Variants in TOMM20 observed in about 807,000 individuals in gnomAD.
The protein encoded by TOMM20 is mitochondrial import receptor subunit TOM20 homolog.
A neutral mutation model predicts 22.1 loss-of-function variants in TOMM20; 10 were observed. The ratio of observed to expected loss-of-function variants is 0.45; its 90% CI spans 0.28 to 0.77. The LOEUF (loss-of-function observed/expected upper bound fraction) is 0.77, where lower values mean the gene tolerates loss of function less well. TOMM20 is among the 30% of genes least tolerant of loss of function. The probability of loss-of-function intolerance (pLI) is 0.13; values close to 1 mark genes in which losing one functional copy is unlikely to be tolerated. For synonymous variants in TOMM20, 55 were observed against 61.4 expected (o/e 0.90, Z 0.49); for missense variants, 121 against 172.2 (o/e 0.70, Z 1.66).
intron 1 of TOMM20, among the ~76,000 whole-genome samples, chr1:235,123,647 A>G (rs1241731592): frequency 1.3e-5 from 2 of 152,216 alleles, no homozygotes; most frequent in African/African-American, 2.4e-5. Context: ...ATACAATTCT[A>G]GCCATTTCAA....
In TOMM20 at chr1:235,113,870, A is replaced by C; in HGVS notation, c.291T>G (p.Ile97Met). The change falls in exon 4 of 5, where the codon ATT becomes ATG. Residue 97 changes from isoleucine (I) to methionine (M), a missense_variant. Physicochemically the swap from Ile to Met is conservative, Grantham distance 10. Coordinates refer to ENST00000366607, the MANE Select transcript of TOMM20 (RefSeq NM_014765.3). Reference sequence around the variant, plus strand: ...ACTGCTGTGGCTGTCCACACACAGCAATTGCATTTGTCAGATGGTCTACGC... The same window carrying C: ...ACTGCTGTGGCTGTCCACACACAGCCATTGCATTTGTCAGATGGTCTACGC... ...EKGVDHLTNAIAVCGQPQQLL... is the reference protein window; with the variant it reads ...EKGVDHLTNAMAVCGQPQQLL... 1 of 1,613,078 alleles carries C rather than the reference A, an allele frequency of 6.2e-7. No individual in the cohort carries two copies.
intron 1 of TOMM20, among the ~76,000 whole-genome samples, chr1:235,125,931 T>C (rs1661009812): frequency 6.7e-6 from 1 of 149,790 alleles, no homozygotes; most frequent in South Asian, 2.1e-4. Flanking sequence ...TTTTTTTTTG[T>C]ATTTTTAGTA....
chr1:235,111,729 A>G lies in TOMM20; in HGVS notation c.*335T>C, dbSNP rs1380376499. 1 of 172,050 alleles carries G rather than the reference A, an allele frequency of 5.8e-6. No homozygotes were observed. Among genetic ancestry groups the G allele is most frequent in the South Asian group, 1.7e-4 (1 of 5,810 alleles). The allele number at this position is 172,050 out of a possible 1,614,324, so 10.7% of individuals were successfully genotyped here. A position where few individuals can be genotyped will look rare whatever the true frequency, so the allele number is the denominator to read the frequency against. On this transcript the variant is annotated 3_prime_UTR_variant, in exon 5 of 5. Coordinates refer to ENST00000366607, the MANE Select transcript of TOMM20 (RefSeq NM_014765.3). ...CTCCTATACTTTTTTTTTTTTGCCTATCTTTCAAAACTGAGCACTGGGTAT... is the reference window on the plus strand; with the variant it reads ...CTCCTATACTTTTTTTTTTTTGCCTGTCTTTCAAAACTGAGCACTGGGTAT...
chr1:235,116,288 C>T (rs938438308), intron 3 of TOMM20, among the ~76,000 whole-genome samples: 6 of 152,084 alleles, frequency 3.9e-5, no homozygotes, highest in Non-Finnish European at 2.9e-5. Context: ...CGCCTGTAAT[C>T]CCAGCACTTT....
In TOMM20 at chr1:235,128,040, G is replaced by T. The variant is rs1044896402; in HGVS notation, c.121+555C>A. 4 of 337,102 alleles carry T rather than the reference G, an allele frequency of 1.2e-5. No homozygotes were observed. In the East Asian group the frequency reaches 3.2e-4, roughly 27 times the overall value. The allele number at this position is 337,102 out of a possible 1,614,324, so 20.9% of individuals were successfully genotyped here. On this transcript the variant is annotated intron_variant, in intron 1 of 4. Transcript: ENST00000366607. ...AACACAAAAAATCACCGGGCGTGGT[G>T]ACGCCCGACTGTAATCCCAGCTACT...
At position 235,128,820 on chromosome 1, in the gene TOMM20, G is replaced by A; in HGVS notation, c.-105C>T. On this transcript the variant is annotated 5_prime_UTR_variant, in exon 1 of 5. Transcript: ENST00000366607. ...GCGCAGCTCACACCCGACGGCCGCG[G>A]GCCAGGAACACAGAAAGGCCGAGCA... The A allele has an allele frequency of 1.3e-6, 2 of 1,547,792 alleles. No individual in the cohort carries two copies. Among genetic ancestry groups the A allele is most frequent in the Non-Finnish European group, 1.7e-6 (2 of 1,148,378 alleles).
chr1:235,121,404 T>G (rs570269821), intron 2 of TOMM20, among the ~76,000 whole-genome samples: 1 of 152,272 alleles, frequency 6.6e-6, no homozygotes, highest in South Asian at 2.1e-4. Context: ...GGTGCATGTC[T>G]CAATCTGTTT....
rs966012671 is a variant in TOMM20, at chr1:235,111,172, T to C, written c.*892A>G. The C allele has an allele frequency of 6.6e-6, 1 of 152,028 alleles. No homozygotes were observed. Among genetic ancestry groups the C allele is most frequent in the African/African-American group, 2.4e-5 (1 of 41,370 alleles). The allele number at this position is 152,028 out of a possible 1,614,324, so 9.4% of individuals were successfully genotyped here. A position where few individuals can be genotyped will look rare whatever the true frequency, so the allele number is the denominator to read the frequency against. On this transcript the variant is annotated 3_prime_UTR_variant, in exon 5 of 5. Transcript: ENST00000366607. ...AAAAAAAACATCAATTCAGAAATAC[T>C]AAGTCAGGCAAGCATGCAAAATTCA...
At chr1:235,114,342 AT>A (rs1423358726) in intron 3 of TOMM20, among the ~76,000 whole-genome samples, 2 of 152,248 alleles carry the variant, frequency 1.3e-5, no homozygotes, top group Middle Eastern at 3.4e-3. Flanking sequence ...AGAAAAAAAA[AT>A]TTTAAGTGAT....
intron 1 of TOMM20, among the ~76,000 whole-genome samples, chr1:235,123,951 A>G (rs1237567863): frequency 6.6e-6 from 1 of 152,276 alleles, no homozygotes; most frequent in Non-Finnish European, 1.5e-5. Context: ...GGATCTGGAC[A>G]TGAAGACAAG....
chr1:235,114,026 TG>T (rs773355505), intron 3 of TOMM20, 116 bp from the exon 4 acceptor site: 41 of 1,152,170 alleles, frequency 3.6e-5, no homozygotes, highest in Non-Finnish European at 4.7e-5. Flanking sequence ...AGTAAAATAC[TG>T]GAAATGACCT....
chr1:235,114,097 C>G (rs2102807576), intron 3 of TOMM20, among the ~76,000 whole-genome samples, 187 bp from the exon 4 acceptor site: 1 of 152,274 alleles, frequency 6.6e-6, no homozygotes. Flanking sequence ...ATTACATGTA[C>G]TGATATGGAA....
chr1:235,116,975 A>C (rs1479978475), intron 3 of TOMM20, among the ~76,000 whole-genome samples: 1 of 151,056 alleles, frequency 6.6e-6, no homozygotes, highest in Non-Finnish European at 1.5e-5. Context: ...CTCTACTAAA[A>C]ATACAAAAAA....
At chr1:235,120,740 G>A (rs1441534527) in intron 2 of TOMM20, among the ~76,000 whole-genome samples, 1 of 151,794 alleles carries the variant, frequency 6.6e-6, no homozygotes, top group Non-Finnish European at 1.5e-5. Flanking sequence ...GCATGGTGGT[G>A]CATGCCTATA....
chr1:235,113,951 T>C (rs762976416), intron 3 of TOMM20, 41 bp from the exon 4 acceptor site: 3 of 1,521,626 alleles, frequency 2.0e-6, no homozygotes, highest in East Asian at 2.3e-5. Context: ...CTGAAAAGCC[T>C]TGGCCTTTGT....
At chr1:235,113,533 T>C (rs1378070127) in intron 4 of TOMM20, among the ~76,000 whole-genome samples, 1 of 152,168 alleles carries the variant, frequency 6.6e-6, no homozygotes, top group Non-Finnish European at 1.5e-5. Flanking sequence ...ACCTGAGACT[T>C]ATCACTAAGA....
At chr1:235,125,069 T>C (rs555043189) in intron 1 of TOMM20, among the ~76,000 whole-genome samples, 1 of 152,332 alleles carries the variant, frequency 6.6e-6, no homozygotes, top group South Asian at 2.1e-4. Context: ...TTTCATTTAC[T>C]CATAATTTAG....
chr1:235,115,790 C>A (rs1221894342), intron 3 of TOMM20, among the ~76,000 whole-genome samples: 1 of 152,148 alleles, frequency 6.6e-6, no homozygotes, highest in Non-Finnish European at 1.5e-5. Flanking sequence ...TATAAACTGC[C>A]TCCCTCAGGA....
chr1:235,123,720 G>A (rs1184454008), intron 1 of TOMM20, among the ~76,000 whole-genome samples: 1 of 152,216 alleles, frequency 6.6e-6, no homozygotes, highest in Non-Finnish European at 1.5e-5. Flanking sequence ...ATTTTTCTAA[G>A]TACCTTACTT....
Sources: allele counts gnomAD v4.1 joint callset (sites outside exome capture counted in the v4.1 genomes callset), GRCh38; gene constraint gnomAD v4.1.1; transcripts MANE v1.5; gene names NCBI Gene and HGNC (gene_info 2026-07-23, HGNC 2026-07-21).